Variants in ZNF766 observed in about 807,000 individuals in gnomAD.
The protein encoded by ZNF766 is zinc finger protein 766.
A neutral mutation model predicts 13.2 loss-of-function variants in ZNF766; 13 were observed. The ratio of observed to expected loss-of-function variants is 0.98; its 90% CI spans 0.64 to 1.56. ZNF766 has a LOEUF of 1.56. Ranked by LOEUF, ZNF766 falls within the 40% of genes most tolerant of loss-of-function variation. ZNF766 has a pLI of 0.00. For synonymous variants in ZNF766, 178 were observed against 187.6 expected, an observed-to-expected ratio of 0.95 and a Z score of 0.42; for missense variants, 521 against 552.2, an observed-to-expected ratio of 0.94 and a Z score of 0.57.
chr19:52,283,987 T>C (rs1039313737), intron 3 of ZNF766, among the ~76,000 whole-genome samples: 3 of 152,190 alleles, frequency 2.0e-5, no homozygotes, highest in Non-Finnish European at 4.4e-5. Flanking sequence ...CCGCCCGCCT[T>C]GGCCTCCGAA....
chr19:52,271,711 G>A lies in ZNF766; in HGVS notation c.18+2080G>A, dbSNP rs146451330. 5.3e-5 allele frequency among the ~76,000 whole-genome samples: 8 copies of A among 152,366 alleles called. No individual in the cohort carries two copies. In the East Asian group the frequency reaches 1.3e-3, roughly 26 times the overall value. ...GCGATGGCTCACGCCTGTAATCCCA[G>A]CACTTTGGGAGGCCAAGGCGGGTGG... On this transcript the variant is annotated intron_variant, in intron 1 of 3. Transcript: ENST00000439461.
Position 52,290,065 on chromosome 19 carries a change from G to C in ZNF766, c.275-1G>C. On this transcript the variant is annotated splice_acceptor_variant, in intron 3 of 3. Coordinates refer to ENST00000439461, the MANE Select transcript of ZNF766 (RefSeq NM_001010851.3). LOFTEE classifies it high-confidence loss of function. Reference sequence around the variant, plus strand: ...ATTATACTCTTTACTTGCTTTCCTAGGGAGGAGCTGTGCAGTGAGAAGCAA... The same window carrying C: ...ATTATACTCTTTACTTGCTTTCCTACGGAGGAGCTGTGCAGTGAGAAGCAA... The C allele has an allele frequency of 6.3e-7, 1 of 1,596,176 alleles. No individual in the cohort carries two copies. Among genetic ancestry groups the C allele is most frequent in the Non-Finnish European group, 8.5e-7 (1 of 1,171,380 alleles).
chr19:52,288,091 G>T, intron 3 of ZNF766: 1 of 366,374 alleles, frequency 2.7e-6, no homozygotes, highest in Non-Finnish European at 5.2e-6. Context: ...TGTGATCTCG[G>T]CTCACTGCAA....
At chr19:52,273,803 A>G (rs1335985304) in intron 1 of ZNF766, among the ~76,000 whole-genome samples, 1 of 152,192 alleles carries the variant, frequency 6.6e-6, no homozygotes, top group African/African-American at 2.4e-5. Context: ...GAGCAGAGCC[A>G]GAAGGTGGGG....
chr19:52,277,824 GGCA>G (rs1031101060), intron 1 of ZNF766, among the ~76,000 whole-genome samples: 7 of 152,038 alleles, frequency 4.6e-5, no homozygotes, highest in Non-Finnish European at 8.8e-5. Context: ...AGTGCTGTTG[GGCA>G]GCAGGGATTG....
chr19:52,276,130 A>G (rs1268423281), intron 1 of ZNF766, among the ~76,000 whole-genome samples: 2 of 152,166 alleles, frequency 1.3e-5, no homozygotes, highest in Admixed American at 6.5e-5. Flanking sequence ...AGGCTATGCT[A>G]TCTTGGTTTG....
chr19:52,273,407 T>G (rs1242354885), intron 1 of ZNF766, among the ~76,000 whole-genome samples: 1 of 152,058 alleles, frequency 6.6e-6, no homozygotes, highest in East Asian at 1.9e-4. Context: ...GGGAGAGAAA[T>G]GTTGGTGGCC....
chr19:52,273,209 C>G (rs1239735933), intron 1 of ZNF766, among the ~76,000 whole-genome samples: 1 of 152,142 alleles, frequency 6.6e-6, no homozygotes, highest in Non-Finnish European at 1.5e-5. Context: ...GGGGTTTCAT[C>G]ATGCTGGCCA....
Position 52,275,682 on chromosome 19 carries a change from T to C in ZNF766, c.18+6051T>C, listed in dbSNP as rs1048555399. ...ACTACTATATTTTTTCTTTCTTTTT[T>C]TTTTTTTTTTTGAGACAGAATCTCA... On this transcript the variant is annotated intron_variant, in intron 1 of 3. Coordinates refer to ENST00000439461, the MANE Select transcript of ZNF766 (RefSeq NM_001010851.3). The C allele has an allele frequency of 5.3e-5, 8 of 150,784 alleles. No homozygotes were observed. The South Asian group carries it at 1.7e-3, about 31-fold the overall frequency. 9.3% of individuals were successfully genotyped at this position (150,784 alleles called of 1,614,324 possible).
At position 52,291,761 on chromosome 19, in the gene ZNF766, CAAA is replaced by C. The variant is rs201865622; in HGVS notation, c.*576_*578del. 4.1e-4 allele frequency: 56 copies of C among 136,840 alleles called. No individual in the cohort carries two copies. Among genetic ancestry groups the C allele is most frequent in the East Asian group, 2.6e-3 (13 of 4,912 alleles). The allele number at this position is 136,840 out of a possible 1,614,324, so 8.5% of individuals were successfully genotyped here. ...TGGGTGACAGAGCGAGACTCCGTCT[CAAA>C]AAAAAAAAAAAATTATTTGGGTTTG... On this transcript the variant is annotated 3_prime_UTR_variant, in exon 4 of 4. Transcript: ENST00000439461.
Position 52,287,573 on chromosome 19 carries a change from A to G in ZNF766, c.275-2493A>G, listed in dbSNP as rs564416146. On this transcript the variant is annotated intron_variant, in intron 3 of 3. Coordinates refer to ENST00000439461, the MANE Select transcript of ZNF766 (RefSeq NM_001010851.3). ...AGGATTGGTGTTAAATCTTTTTTCA[A>G]TATTTGATAGAATTTTACACTGAGG... 6.6e-5 allele frequency among the ~76,000 whole-genome samples: 10 copies of G among 152,264 alleles called. No homozygotes were observed. In the South Asian group the frequency reaches 1.2e-3, roughly 19 times the overall value.
intron 1 of ZNF766, among the ~76,000 whole-genome samples, chr19:52,278,357 TG>T (rs1463581750): frequency 2.0e-5 from 3 of 152,214 alleles, no homozygotes; most frequent in African/African-American, 7.2e-5. Context: ...GTTGGCTACA[TG>T]TATGTCTACT....
chr19:52,291,946 T>C lies in ZNF766; in HGVS notation c.*748T>C. ...AAATAAGCCAGGCCCTTGGCATGTG[T>C]CTGTAGTTCCAGCTACTCAAGAGGC... On this transcript the variant is annotated 3_prime_UTR_variant, in exon 4 of 4. Coordinates refer to ENST00000439461, the MANE Select transcript of ZNF766 (RefSeq NM_001010851.3). 4 of 549,704 alleles carry C rather than the reference T, an allele frequency of 7.3e-6. No individual in the cohort carries two copies. The highest frequency in any genetic ancestry group is 1.3e-5 in the Non-Finnish European group (4 of 310,346). 34.1% of individuals were successfully genotyped at this position (549,704 alleles called of 1,614,324 possible). A position where few individuals can be genotyped will look rare whatever the true frequency, so the allele number is the denominator to read the frequency against.
chr19:52,283,672 G>C (rs1981659556), intron 3 of ZNF766, among the ~76,000 whole-genome samples: 1 of 152,156 alleles, frequency 6.6e-6, no homozygotes, highest in Admixed American at 6.5e-5. Context: ...AAACCTGTGA[G>C]TTCTTAAGAG....
Position 52,269,642 on chromosome 19 carries a change from C to G in ZNF766, c.18+11C>G, listed in dbSNP as rs777833238. On this transcript the variant is annotated intron_variant, in intron 1 of 3. Transcript: ENST00000439461. ...GCGCAACTGCGGCGCGTGAGTTTTC[C>G]TTTGTTTAGATTAAGTGTTCGCTTA... 3.7e-6 allele frequency: 6 copies of G among 1,612,796 alleles called. No individual in the cohort carries two copies. The South Asian group carries it at 6.6e-5, about 18-fold the overall frequency.
intron 1 of ZNF766, among the ~76,000 whole-genome samples, chr19:52,279,920 C>T (rs1309093827): frequency 3.3e-5 from 5 of 150,830 alleles, no homozygotes; most frequent in South Asian, 2.1e-4. Context: ...CTCAGCCTCC[C>T]GAGTAGCTTG....
rs542022441 is a variant in ZNF766, at chr19:52,271,360, A to G, written c.18+1729A>G. On this transcript the variant is annotated intron_variant, in intron 1 of 3. Transcript: ENST00000439461. Reference sequence around the variant, plus strand: ...TTAAATTGTGGGTCATCCAGCTGGGAGTGTGCCAGAGAACTGGTCAGTATG... The same window carrying G: ...TTAAATTGTGGGTCATCCAGCTGGGGGTGTGCCAGAGAACTGGTCAGTATG... Among the ~76,000 whole-genome samples, 15 of 152,236 alleles carry G rather than the reference A, an allele frequency of 9.9e-5. No homozygotes were observed. In the South Asian group the frequency reaches 2.9e-3, roughly 29 times the overall value.
chr19:52,291,374 G>A lies in ZNF766; in HGVS notation c.*176G>A. ...ACACAAATGGATTGTGTGTGCCAAGGCCAACAAGTCAAAATATGTTGAACC... is the reference window on the plus strand; with the variant it reads ...ACACAAATGGATTGTGTGTGCCAAGACCAACAAGTCAAAATATGTTGAACC... On this transcript the variant is annotated 3_prime_UTR_variant, in exon 4 of 4. Coordinates refer to ENST00000439461, the MANE Select transcript of ZNF766 (RefSeq NM_001010851.3). The A allele has an allele frequency of 1.6e-6, 1 of 630,712 alleles. No individual in the cohort carries two copies. 39.1% of individuals were successfully genotyped at this position (630,712 alleles called of 1,614,324 possible).
At chr19:52,274,138 G>A (rs1981090778) in intron 1 of ZNF766, among the ~76,000 whole-genome samples, 1 of 152,126 alleles carries the variant, frequency 6.6e-6, no homozygotes, top group South Asian at 2.1e-4. Flanking sequence ...TTTTGTCCAG[G>A]ACTTGAATCA....
Sources: allele counts gnomAD v4.1 joint callset (sites outside exome capture counted in the v4.1 genomes callset), GRCh38; gene constraint gnomAD v4.1.1; transcripts MANE v1.5; gene names NCBI Gene and HGNC (gene_info 2026-07-23, HGNC 2026-07-21).